Variants in NCOA3 observed in about 807,000 individuals in gnomAD.
The protein encoded by NCOA3 is CBP-interacting protein.
A neutral mutation model predicts 158.8 loss-of-function variants in NCOA3; 51 were observed. That is an observed-to-expected ratio of 0.32 (90% CI 0.26 to 0.41). The LOEUF is 0.41. Among genes scored for constraint, NCOA3 ranks in the 10% least tolerant of loss-of-function variants. The pLI is 1.00. For missense variants in NCOA3, 1,510 were observed against 1,746.6 expected (o/e 0.86, Z 2.41); for synonymous variants, 537 against 592.4 (o/e 0.91, Z 1.36).
intron 1 of NCOA3, among the ~76,000 whole-genome samples, chr20:47,503,704 T>C (rs2146035548): frequency 6.6e-6 from 1 of 152,312 alleles, no homozygotes; most frequent in Non-Finnish European, 1.5e-5. Flanking sequence ...ATTAATACCG[T>C]TAAATAACAA....
chr20:47,510,400 T>A (rs924474492), intron 1 of NCOA3, among the ~76,000 whole-genome samples: 1 of 116,506 alleles, frequency 8.6e-6, no homozygotes. Flanking sequence ...GCCACTGCAC[T>A]CCAGCCTGGG....
chr20:47,647,019 C>T, intron 17 of NCOA3, 54 bp from the exon 18 acceptor site: 1 of 1,529,540 alleles, frequency 6.5e-7, no homozygotes, highest in Non-Finnish European at 8.9e-7. Context: ...GAGCATTTGA[C>T]TTCTGTTGCT....
At chr20:47,625,326 A>T in intron 4 of NCOA3, 55 bp from the exon 5 acceptor site, 1 of 1,233,270 alleles carries the variant, frequency 8.1e-7, no homozygotes, top group South Asian at 1.2e-5. Context: ...TTCGAAGGTG[A>T]TTTAATCTAT....
chr20:47,593,334 AT>A (rs71183267), intron 2 of NCOA3, among the ~76,000 whole-genome samples: 2,133 of 63,610 alleles, frequency 0.034, 4 homozygotes, highest in African/African-American at 0.04. Flanking sequence ...GAGTTGATGG[AT>A]TTTTTTTTTT....
intron 17 of NCOA3, among the ~76,000 whole-genome samples, chr20:47,644,102 T>C (rs1412762419): frequency 6.6e-6 from 1 of 152,030 alleles, no homozygotes; most frequent in Non-Finnish European, 1.5e-5. Context: ...TGACCTACTT[T>C]TCTGGGATTT....
At chr20:47,547,300 C>T (rs920656486) in intron 1 of NCOA3, among the ~76,000 whole-genome samples, 16 of 152,160 alleles carry the variant, frequency 1.1e-4, no homozygotes, top group Non-Finnish European at 1.6e-4. Context: ...CCATCTGTGG[C>T]GTTAAGATGT....
In NCOA3 at chr20:47,639,982, C is replaced by T. The variant is rs139276261; in HGVS notation, c.3011C>T (p.Ser1004Phe). 1.2e-6 allele frequency: 2 copies of T among 1,614,098 alleles called. No individual in the cohort carries two copies. The highest frequency in any genetic ancestry group is 2.7e-5 in the African/African-American group (2 of 74,934). The change falls in exon 16 of 23, where the codon TCT becomes TTT. Residue 1004 changes from serine (S) to phenylalanine (F), a missense_variant. This residue lies in a region of NCOA3 where 1,017 missense variants were observed against 1,098.3 expected (regional missense o/e 0.93). Coordinates refer to ENST00000371998, the MANE Select transcript of NCOA3 (RefSeq NM_181659.3). ...AATCCCTATGGCCAAGCAGCAGCATCTAACCAACTGGGTTCCTGGCCCGAT... is the reference window on the plus strand; with the variant it reads ...AATCCCTATGGCCAAGCAGCAGCATTTAACCAACTGGGTTCCTGGCCCGAT... ...GANPYGQAAA[S>F]NQLGSWPDGM... is the part of the protein sequence containing the mutation.
At chr20:47,528,732 T>C (rs2084497971) in intron 1 of NCOA3, among the ~76,000 whole-genome samples, 1 of 152,234 alleles carries the variant, frequency 6.6e-6, no homozygotes. Flanking sequence ...TATATTAAAT[T>C]ATTGTAACAC....
chr20:47,567,346 G>A (rs2085213541), intron 1 of NCOA3, among the ~76,000 whole-genome samples: 2 of 150,854 alleles, frequency 1.3e-5, no homozygotes, highest in Admixed American at 6.6e-5. Flanking sequence ...GCACTCGGTT[G>A]TACTTTGTTT....
At chr20:47,503,858 C>A (rs1360096034) in intron 1 of NCOA3, among the ~76,000 whole-genome samples, 2 of 152,042 alleles carry the variant, frequency 1.3e-5, no homozygotes, top group Admixed American at 6.6e-5. Context: ...TTTCAATGAG[C>A]AGAAATCTAA....
chr20:47,647,913 T>G (rs1452374262), intron 18 of NCOA3, among the ~76,000 whole-genome samples: 8 of 142,312 alleles, frequency 5.6e-5, no homozygotes, highest in South Asian at 2.2e-4. Context: ...TTGTTTGTTT[T>G]GTTTTGTTTT....
At chr20:47,531,456 A>G (rs528542103) in intron 1 of NCOA3, among the ~76,000 whole-genome samples, 1 of 152,188 alleles carries the variant, frequency 6.6e-6, no homozygotes, top group Non-Finnish European at 1.5e-5. Flanking sequence ...GATGAAACAG[A>G]TGTATTACAG....
intron 1 of NCOA3, among the ~76,000 whole-genome samples, chr20:47,563,824 G>C (rs1046168633): frequency 2.0e-5 from 3 of 150,118 alleles, no homozygotes; most frequent in African/African-American, 7.4e-5. Context: ...GGGAGGCGGA[G>C]CTTGCAGTGA....
intron 1 of NCOA3, among the ~76,000 whole-genome samples, chr20:47,554,133 A>G (rs960594545): frequency 1.3e-5 from 2 of 152,066 alleles, no homozygotes; most frequent in African/African-American, 4.8e-5. Flanking sequence ...TTTGATTTGC[A>G]TTTCTCTGAT....
chr20:47,610,857 T>G (rs942564600), intron 2 of NCOA3, among the ~76,000 whole-genome samples: 3 of 152,258 alleles, frequency 2.0e-5, no homozygotes, highest in Non-Finnish European at 2.9e-5. Context: ...GTGAACAAAC[T>G]CATTGTAGCC....
At chr20:47,580,543 G>A (rs2085436139) in intron 1 of NCOA3, among the ~76,000 whole-genome samples, 1 of 152,106 alleles carries the variant, frequency 6.6e-6, no homozygotes, top group African/African-American at 2.4e-5. Context: ...GTGCAACAGA[G>A]TGAAACTCCA....
intron 2 of NCOA3, among the ~76,000 whole-genome samples, chr20:47,593,971 G>T (rs969568849): frequency 6.6e-6 from 1 of 152,098 alleles, no homozygotes; most frequent in Non-Finnish European, 1.5e-5. Flanking sequence ...TATAAATTCT[G>T]CATTCATGCC....
chr20:47,544,898 G>A (rs1380307787), intron 1 of NCOA3, among the ~76,000 whole-genome samples: 2 of 152,066 alleles, frequency 1.3e-5, no homozygotes, highest in African/African-American at 2.4e-5. Flanking sequence ...AGTTATTTGG[G>A]TCATCTGGAA....
intron 17 of NCOA3, among the ~76,000 whole-genome samples, chr20:47,642,793 T>C (rs1470692358): frequency 6.6e-6 from 1 of 152,218 alleles, no homozygotes; most frequent in Non-Finnish European, 1.5e-5. Flanking sequence ...ACAAAACTTG[T>C]TTACAATGGC....
Sources: gnomAD v4.1 joint callset for allele counts (sites outside exome capture counted in the v4.1 genomes callset) on GRCh38, gnomAD v4.1.1 for gene constraint, gnomAD v4.1.1 regional missense constraint, MANE v1.5 for transcripts, NCBI Gene and HGNC (gene_info 2026-07-23, HGNC 2026-07-21) for gene names.